The following NRG1 variants were observed in gnomAD, a reference collection of about 807,000 sequenced individuals.
NRG1 encodes the protein pro-neuregulin-1, membrane-bound isoform.
A neutral mutation model predicts 63.8 loss-of-function variants in NRG1; 18 were observed. The ratio of observed to expected loss-of-function variants is 0.28; its 90% CI spans 0.19 to 0.42. The LOEUF is 0.42. NRG1 is among the 10% of genes least tolerant of loss of function. NRG1 has a pLI of 1.00. For synonymous variants in NRG1, 302 were observed against 301.3 expected (o/e 1.00, Z -0.02); for missense variants, 762 against 814.7 (o/e 0.94, Z 0.79).
At chr8:32,408,979 A>T (rs1814503957) in intron 1 of NRG1, among the ~76,000 whole-genome samples, 1 of 152,156 alleles carries the variant, frequency 6.6e-6, no homozygotes, top group South Asian at 2.1e-4. Context: ...TATAAGTAAG[A>T]ACATGCAATA....
chr8:32,180,739 C>T (rs999422594), intron 1 of NRG1, among the ~76,000 whole-genome samples: 2 of 152,108 alleles, frequency 1.3e-5, no homozygotes, highest in Non-Finnish European at 2.9e-5. Context: ...CATTAGCTCA[C>T]ATAGTTATTT....
intron 1 of NRG1, among the ~76,000 whole-genome samples, chr8:31,973,634 A>G (rs1807669148): frequency 6.6e-6 from 1 of 152,340 alleles, no homozygotes; most frequent in Admixed American, 6.5e-5. Context: ...CATACTATTC[A>G]GAGTCCCATA....
At chr8:31,972,648 C>G (rs1807489549) in intron 1 of NRG1, among the ~76,000 whole-genome samples, 1 of 152,178 alleles carries the variant, frequency 6.6e-6, no homozygotes, top group African/African-American at 2.4e-5. Flanking sequence ...GGCCTTTCAA[C>G]TCATCCTTTT....
chr8:31,801,690 G>A (rs1821805150), intron 1 of NRG1, among the ~76,000 whole-genome samples: 1 of 152,110 alleles, frequency 6.6e-6, no homozygotes, highest in Non-Finnish European at 1.5e-5. Context: ...ACATGAAATT[G>A]TAAGAATTTA....
chr8:32,739,708 CTTCCT>C (rs1468347746), intron 6 of NRG1, among the ~76,000 whole-genome samples: 5 of 152,016 alleles, frequency 3.3e-5, no homozygotes, highest in Non-Finnish European at 7.4e-5. Context: ...TTATAAATGC[CTTCCT>C]TCTCTTAAGG....
intron 1 of NRG1, among the ~76,000 whole-genome samples, chr8:32,166,596 T>C (rs1356861791): frequency 6.6e-6 from 1 of 152,174 alleles, no homozygotes; most frequent in African/African-American, 2.4e-5. Flanking sequence ...TTTCTACCAT[T>C]TTCACCTGGA....
rs192913314 is a variant in NRG1 at position 31,657,685 on chromosome 8, G to A, written c.37+18254G>A. 3.0e-4 allele frequency among the ~76,000 whole-genome samples: 45 copies of A among 152,312 alleles called. 1 individual carries two copies. Among genetic ancestry groups the A allele is most frequent in the Admixed American group, 2.5e-3 (38 of 15,304 alleles). ...TAAGAAAAGAGAATTAGAATTTACT[G>A]AGTTTCTATTATGGCTGAACATGTT... On this transcript the variant is annotated intron_variant, in intron 1 of 10. Transcript: ENST00000519301.
rs186209091 is a variant in NRG1 at position 32,641,739 on chromosome 8, A to G, written c.502+24854A>G. On this transcript the variant is annotated intron_variant, in intron 5 of 11. Transcript: ENST00000356819. ...ACTTGATACAGCATCTCACAAAGTA[A>G]TGCTTAAAATTAAGTCAAATTGTCT... Among the ~76,000 whole-genome samples the G allele has an allele frequency of 9.8e-5, 15 of 152,326 alleles. No homozygotes were observed. The East Asian group carries it at 1.4e-3, about 14-fold the overall frequency.
At chr8:32,730,058 T>G (rs985597708) in intron 6 of NRG1, among the ~76,000 whole-genome samples, 5 of 152,368 alleles carry the variant, frequency 3.3e-5, no homozygotes, top group Admixed American at 3.3e-4. Context: ...AGTAAAATTC[T>G]AATCTCAATT....
intron 1 of NRG1, among the ~76,000 whole-genome samples, chr8:32,333,616 C>G (rs1486563422): frequency 3.3e-5 from 5 of 152,040 alleles, no homozygotes; most frequent in Admixed American, 6.5e-5. Context: ...AGAAGAGACC[C>G]CTGTAATCAA....
chr8:31,885,623 C>T (rs923786151), intron 1 of NRG1, among the ~76,000 whole-genome samples: 1 of 152,066 alleles, frequency 6.6e-6, no homozygotes, highest in Non-Finnish European at 1.5e-5. Flanking sequence ...ATAGAGGTGC[C>T]AAGGAGAAGC....
At chr8:32,583,712 G>T (rs1372026071) in intron 1 of NRG1, among the ~76,000 whole-genome samples, 5 of 152,116 alleles carry the variant, frequency 3.3e-5, no homozygotes, top group Admixed American at 1.3e-4. Context: ...CCTACCCTGG[G>T]CTCACCCAGA....
chr8:32,176,009 G>A (rs1283572818), intron 1 of NRG1, among the ~76,000 whole-genome samples: 1 of 152,150 alleles, frequency 6.6e-6, no homozygotes. Flanking sequence ...AACCAAAAAA[G>A]AGCCTGCATT....
intron 5 of NRG1, among the ~76,000 whole-genome samples, chr8:32,726,684 A>C (rs988084330): frequency 6.6e-6 from 1 of 152,182 alleles, no homozygotes; most frequent in Non-Finnish European, 1.5e-5. Context: ...AGACAAAATT[A>C]GGTTATGTGT....
chr8:32,342,694 C>T (rs773689785), intron 1 of NRG1, among the ~76,000 whole-genome samples: 6 of 152,118 alleles, frequency 3.9e-5, no homozygotes, highest in Non-Finnish European at 7.3e-5. Flanking sequence ...TTTAAGAATA[C>T]AGTTAAATAT....
At chr8:32,336,978 A>T (rs1452818418) in intron 1 of NRG1, among the ~76,000 whole-genome samples, 1 of 152,072 alleles carries the variant, frequency 6.6e-6, no homozygotes, top group African/African-American at 2.4e-5. Context: ...AGATTACATG[A>T]TCTCAATGGA....
chr8:31,851,895 G>A (rs1826876461), intron 1 of NRG1, among the ~76,000 whole-genome samples: 2 of 151,210 alleles, frequency 1.3e-5, no homozygotes, highest in Non-Finnish European at 2.9e-5. Flanking sequence ...TACTGAGAAT[G>A]ATGATTTCCA....
rs1835987566 is a variant in NRG1, at chr8:32,139,639, C to T, written c.38-456189C>T. On this transcript the variant is annotated intron_variant, in intron 1 of 10. Transcript: ENST00000519301. ...TTTTTAAGAAGTATACACACGTGTA[C>T]CTTTAGCTTTGAAAGGGTAAGATTC... 2.0e-5 allele frequency among the ~76,000 whole-genome samples: 3 copies of T among 152,064 alleles called. No homozygotes were observed. In the South Asian group the frequency reaches 6.2e-4, roughly 31 times the overall value.
intron 1 of NRG1, among the ~76,000 whole-genome samples, chr8:32,131,435 T>A (rs1834813432): frequency 6.6e-6 from 1 of 152,014 alleles, no homozygotes; most frequent in Non-Finnish European, 1.5e-5. Flanking sequence ...CATCTTCATG[T>A]TGAGTAGAGA....
Sources: allele counts gnomAD v4.1 joint callset (sites outside exome capture counted in the v4.1 genomes callset), GRCh38; gene constraint gnomAD v4.1.1; transcripts MANE v1.5; gene names NCBI Gene and HGNC (gene_info 2026-07-23, HGNC 2026-07-21).